The following NRXN1 variants were observed in gnomAD, a reference collection of about 807,000 sequenced individuals.
NRXN1 encodes the protein neurexin-1.
In NRXN1, 39 loss-of-function variants were observed where a neutral mutation model predicts 150.9. The observed-to-expected ratio is 0.26, with a 90% CI of 0.20 to 0.34. The LOEUF is 0.34. NRXN1 is among the 10% of genes least tolerant of loss of function. The pLI, the probability that NRXN1 is intolerant of heterozygous loss-of-function variation, is 1.00. For missense variants in NRXN1, 1,815 were observed against 1,949.9 expected, an observed-to-expected ratio of 0.93 and a Z score of 1.30; for synonymous variants, 924 against 757.0, an observed-to-expected ratio of 1.22 and a Z score of -3.62.
intron 8 of NRXN1, among the ~76,000 whole-genome samples, chr2:50,581,851 G>A (rs1672314212): frequency 6.6e-6 from 1 of 152,108 alleles, no homozygotes; most frequent in South Asian, 2.1e-4. Context: ...GTTACTTAGA[G>A]GCAGATCCAA....
At position 50,552,699 on chromosome 2, in the gene NRXN1, G is replaced by T. The variant is rs201152575; in HGVS notation, c.1647C>A (p.His549Gln). 13 of 1,613,940 alleles carry T rather than the reference G, an allele frequency of 8.1e-6. No homozygotes were observed. The African/African-American group carries it at 1.7e-4, about 22-fold the overall frequency. Reference protein sequence around the residue: ...DFFAIEMLDGHLYLLLDMGSG... With the variant: ...DFFAIEMLDGQLYLLLDMGSG... ...ACCCCATGTCCAGGAGGAGGTAGAGGTGGCCATCTAGCATCTCAATAGCAA... is the reference window on the plus strand; with the variant it reads ...ACCCCATGTCCAGGAGGAGGTAGAGTTGGCCATCTAGCATCTCAATAGCAA... Residue 549 changes from histidine to glutamine, a missense_variant, in exon 9 of 23, where the codon CAC (histidine) becomes CAA (glutamine). By Grantham distance (24) the His-to-Gln change is conservative. Around this residue, in one of 6 missense-constraint regions of NRXN1, gnomAD observed 638 missense variants for 652.6 expected, o/e 0.98. Coordinates refer to ENST00000401669, the MANE Select transcript of NRXN1 (RefSeq NM_001330078.2).
At chr2:50,770,515 C>A (rs1702887652) in intron 5 of NRXN1, among the ~76,000 whole-genome samples, 1 of 151,894 alleles carries the variant, frequency 6.6e-6, no homozygotes, top group African/African-American at 2.4e-5. Flanking sequence ...TTGGACCCAT[C>A]TTAATATGGA....
intron 17 of NRXN1, among the ~76,000 whole-genome samples, chr2:50,250,615 T>A (rs977650454): frequency 6.6e-6 from 1 of 152,068 alleles, no homozygotes; most frequent in African/African-American, 2.4e-5. Context: ...TTATTAAAAA[T>A]TCTATGAAAT....
intron 17 of NRXN1, among the ~76,000 whole-genome samples, chr2:50,244,544 G>A (rs1424506768): frequency 6.6e-6 from 1 of 151,724 alleles, no homozygotes; most frequent in Admixed American, 6.6e-5. Flanking sequence ...CTCTTGATTT[G>A]CTGATAAGTG....
chr2:50,051,577 T>G lies in NRXN1; in HGVS notation c.4128+1694A>C, dbSNP rs141820511. On this transcript the variant is annotated intron_variant, in intron 21 of 22. Coordinates refer to ENST00000401669, the MANE Select transcript of NRXN1 (RefSeq NM_001330078.2). ...ATCTACAGCAGTAACAAATCATTAA[T>G]GAAACATTAGCAAAGAATGTTAAAT... Among the ~76,000 whole-genome samples the G allele has an allele frequency of 4.7e-3, 723 of 152,222 alleles. 6 individuals are homozygous for G. The highest frequency in any genetic ancestry group is 0.016 in the African/African-American group (685 of 41,572).
intron 18 of NRXN1, among the ~76,000 whole-genome samples, chr2:50,205,360 C>G (rs2062490463): frequency 6.6e-6 from 1 of 151,944 alleles, no homozygotes; most frequent in Non-Finnish European, 1.5e-5. Context: ...TTTTCCCTTT[C>G]CTATAAACCT....
At chr2:50,168,689 G>A (rs1426781223) in intron 18 of NRXN1, among the ~76,000 whole-genome samples, 1 of 152,108 alleles carries the variant, frequency 6.6e-6, no homozygotes, top group Non-Finnish European at 1.5e-5. Flanking sequence ...CATGGCCAGA[G>A]GCCAACCAAC....
chr2:49,933,406 A>T (rs1336324123), intron 22 of NRXN1, among the ~76,000 whole-genome samples: 1 of 152,106 alleles, frequency 6.6e-6, no homozygotes, highest in Non-Finnish European at 1.5e-5. Context: ...TTTTCTAAGC[A>T]GTTGCCCAGT....
At chr2:50,370,737 C>A (rs913441731) in intron 17 of NRXN1, among the ~76,000 whole-genome samples, 3 of 151,884 alleles carry the variant, frequency 2.0e-5, no homozygotes, top group African/African-American at 4.8e-5. Context: ...GGTTGGGAGG[C>A]ATACAAGGGA....
chr2:50,839,566 A>G (rs367701906), intron 5 of NRXN1, among the ~76,000 whole-genome samples: 1 of 152,164 alleles, frequency 6.6e-6, no homozygotes, highest in Non-Finnish European at 1.5e-5. Context: ...AAAGATCTTC[A>G]TGCATCTTTG....
intron 8 of NRXN1, among the ~76,000 whole-genome samples, chr2:50,582,478 C>CAAAAAAA (rs56941425): frequency 4.1e-4 from 18 of 44,206 alleles, no homozygotes; most frequent in African/African-American, 4.5e-4. Flanking sequence ...GACTCGTCTC[C>CAAAAAAA]AAAAAAAAAA....
At chr2:50,517,984 T>A (rs565809250) in intron 12 of NRXN1, among the ~76,000 whole-genome samples, 1 of 152,270 alleles carries the variant, frequency 6.6e-6, no homozygotes, top group African/African-American at 2.4e-5. Flanking sequence ...TGCAAACGAA[T>A]AAACAAGGTT....
chr2:50,017,107 T>C (rs1248552032), intron 21 of NRXN1, among the ~76,000 whole-genome samples: 1 of 152,190 alleles, frequency 6.6e-6, no homozygotes, highest in African/African-American at 2.4e-5. Context: ...ATCAGCATTT[T>C]ATGCACTATA....
intron 15 of NRXN1, among the ~76,000 whole-genome samples, chr2:50,487,739 A>G (rs1166233106): frequency 1.3e-5 from 2 of 152,176 alleles, no homozygotes; most frequent in Admixed American, 6.6e-5. Flanking sequence ...TTGCCTGAAA[A>G]TGATAGTGAC....
intron 5 of NRXN1, among the ~76,000 whole-genome samples, chr2:50,762,115 ATG>A (rs1701868614): frequency 1.1e-5 from 1 of 87,162 alleles, no homozygotes; most frequent in African/African-American, 4.3e-5. Context: ...ATATATATAT[ATG>A]TGTATACACA....
chr2:50,539,293 G>C (rs903954675), intron 9 of NRXN1, among the ~76,000 whole-genome samples: 3 of 152,098 alleles, frequency 2.0e-5, no homozygotes, highest in African/African-American at 7.2e-5. Flanking sequence ...ATAAATGTTT[G>C]TGATTATATT....
At chr2:50,247,510 C>A (rs1443823586) in intron 17 of NRXN1, among the ~76,000 whole-genome samples, 2 of 152,094 alleles carry the variant, frequency 1.3e-5, no homozygotes, top group Non-Finnish European at 2.9e-5. Flanking sequence ...GAGGACACTG[C>A]AACATTCTGT....
chr2:50,631,653 G>T (rs140760444), intron 5 of NRXN1, among the ~76,000 whole-genome samples: 1 of 152,042 alleles, frequency 6.6e-6, no homozygotes, highest in Non-Finnish European at 1.5e-5. Context: ...ACTCTAGTAC[G>T]ATAATTTTCC....
intron 18 of NRXN1, among the ~76,000 whole-genome samples, chr2:50,222,122 G>A (rs927427021): frequency 2.6e-5 from 4 of 151,920 alleles, no homozygotes; most frequent in Non-Finnish European, 5.9e-5. Flanking sequence ...TACCCAGGAG[G>A]ATATTAACCT....
Sources: allele counts gnomAD v4.1 joint callset (sites outside exome capture counted in the v4.1 genomes callset), GRCh38; gene constraint gnomAD v4.1.1; regional missense constraint gnomAD v4.1.1; transcripts MANE v1.5; gene names NCBI Gene and HGNC (gene_info 2026-07-23, HGNC 2026-07-21).